The following CDH13 variants were observed in gnomAD, a reference collection of about 807,000 sequenced individuals.
CDH13 encodes the protein cadherin-13.
Under a neutral mutation model 63.8 loss-of-function variants are expected in CDH13, and 24 were observed. The observed-to-expected ratio is 0.38, with a 90% CI of 0.27 to 0.53. The LOEUF is 0.53. CDH13 is among the 20% of genes least tolerant of loss of function. The pLI is 0.85. For synonymous variants in CDH13, 503 were observed against 355.3 expected (o/e 1.42, Z -4.67); for missense variants, 1,049 against 903.1 (o/e 1.16, Z -2.07).
At chr16:82,920,533 T>C (rs1488845323) in intron 2 of CDH13, among the ~76,000 whole-genome samples, 1 of 152,142 alleles carries the variant, frequency 6.6e-6, no homozygotes, top group Non-Finnish European at 1.5e-5. Context: ...AGTCACCCCA[T>C]CTGTAAACAG....
intron 1 of CDH13, among the ~76,000 whole-genome samples, chr16:82,842,072 G>C (rs973434056): frequency 1.5e-5 from 2 of 133,672 alleles, no homozygotes; most frequent in African/African-American, 5.7e-5. Context: ...CTTGAAATCT[G>C]AGCCAGTCTT....
At chr16:83,241,400 C>T (rs368707298) in intron 5 of CDH13, among the ~76,000 whole-genome samples, 1 of 152,140 alleles carries the variant, frequency 6.6e-6, no homozygotes, top group Non-Finnish European at 1.5e-5. Context: ...TTTTGAGAAA[C>T]CTCCATGTTG....
At chr16:83,451,141 T>C (rs1330896810) in intron 6 of CDH13, among the ~76,000 whole-genome samples, 4 of 152,190 alleles carry the variant, frequency 2.6e-5, no homozygotes, top group African/African-American at 9.7e-5. Flanking sequence ...ATCATTTGTC[T>C]TTGTATTACT....
At chr16:83,387,759 T>C (rs1597895042) in intron 6 of CDH13, among the ~76,000 whole-genome samples, 1 of 152,346 alleles carries the variant, frequency 6.6e-6, no homozygotes, top group African/African-American at 2.4e-5. Flanking sequence ...GCTCTTAATA[T>C]GTGACCATCT....
chr16:83,551,094 A>ATCTATCTATCTATCTG (rs1227835134), intron 7 of CDH13, among the ~76,000 whole-genome samples: 1 of 150,634 alleles, frequency 6.6e-6, no homozygotes, highest in African/African-American at 2.4e-5. Context: ...CTATCTATCT[A>ATCTATCTATCTATCTG]TCTTTGAGAC....
chr16:82,718,190 A>C lies in CDH13; in HGVS notation c.45+91053A>C, dbSNP rs539858790. Among the ~76,000 whole-genome samples the C allele has an allele frequency of 3.3e-5, 5 of 152,324 alleles. No homozygotes were observed. The East Asian group carries it at 9.6e-4, about 29-fold the overall frequency. On this transcript the variant is annotated intron_variant, in intron 1 of 13. Transcript: ENST00000567109. ...TTATGGGCAGCTGGAGCTGAATCCC[A>C]CTGGGGACTCTGGGAGACAATGAAA...
At chr16:82,632,146 A>C (rs1289160170) in intron 1 of CDH13, among the ~76,000 whole-genome samples, 1 of 152,186 alleles carries the variant, frequency 6.6e-6, no homozygotes, top group East Asian at 1.9e-4. Context: ...CTCTTTAGGC[A>C]GGACGTGCCT....
chr16:82,901,324 C>CTGTGTGTG (rs61370328), intron 2 of CDH13, among the ~76,000 whole-genome samples: 1,612 of 130,434 alleles, frequency 0.012, 30 homozygotes, highest in African/African-American at 0.026. Context: ...TAGTATTCTC[C>CTGTGTGTG]TGTGTGTGTG....
intron 2 of CDH13, among the ~76,000 whole-genome samples, chr16:82,905,403 A>C (rs1296104586): frequency 6.6e-6 from 1 of 151,876 alleles, no homozygotes. Context: ...AAAGAAAAAC[A>C]GGACTTGGGT....
At chr16:83,216,427 T>TAAATATATATATATATAA in intron 4 of CDH13, among the ~76,000 whole-genome samples, 1 of 45,070 alleles carries the variant, frequency 2.2e-5, no homozygotes, top group South Asian at 1.1e-3. Flanking sequence ...TATATATATA[T>TAAATATATATATATATAA]ATATATATAT....
chr16:83,158,069 A>G (rs562333867), intron 4 of CDH13, among the ~76,000 whole-genome samples: 1 of 152,168 alleles, frequency 6.6e-6, no homozygotes, highest in South Asian at 2.1e-4. Flanking sequence ...CCTTGGGTCA[A>G]ACCTTTAGAA....
At chr16:83,076,548 A>G (rs2032853122) in intron 3 of CDH13, among the ~76,000 whole-genome samples, 1 of 152,168 alleles carries the variant, frequency 6.6e-6, no homozygotes. Context: ...AGAATTTTAC[A>G]CTAAACCACC....
chr16:83,707,593 C>T (rs535213703), intron 10 of CDH13, among the ~76,000 whole-genome samples: 2 of 152,080 alleles, frequency 1.3e-5, no homozygotes, highest in South Asian at 2.1e-4. Flanking sequence ...AATTGCTGAT[C>T]CCCTGTTCTA....
chr16:82,746,735 C>T (rs7202684), intron 1 of CDH13, among the ~76,000 whole-genome samples: 39,628 of 151,722 alleles, frequency 0.26, 5,787 homozygotes, highest in South Asian at 0.38. Flanking sequence ...AAACTGATTT[C>T]TTAAAATTTT....
rs144525432 is a variant in CDH13 at position 83,347,288 on chromosome 16, C to G, written c.781+2282C>G. ...TCCATTATGCTCTGCTCATCTGTGG[C>G]TCATAGGATCCCATGTGTTGTAGAA... On this transcript the variant is annotated intron_variant, in intron 6 of 13. Transcript: ENST00000567109. Among the ~76,000 whole-genome samples the G allele has an allele frequency of 3.6e-3, 519 of 145,458 alleles. 2 individuals carry two copies. The highest frequency in any genetic ancestry group is 0.012 in the African/African-American group (487 of 39,224).
At chr16:83,237,759 G>C (rs996412818) in intron 5 of CDH13, among the ~76,000 whole-genome samples, 2 of 152,174 alleles carry the variant, frequency 1.3e-5, no homozygotes, top group African/African-American at 4.8e-5. Flanking sequence ...TAGAAAGGTA[G>C]AAATGAGAGA....
At chr16:83,643,550 C>G (rs1347227280) in intron 8 of CDH13, among the ~76,000 whole-genome samples, 1 of 152,100 alleles carries the variant, frequency 6.6e-6, no homozygotes, top group Non-Finnish European at 1.5e-5. Context: ...TTTAACCCAG[C>G]ACCTGCTACA....
chr16:82,814,407 A>G (rs2037600215), intron 1 of CDH13, among the ~76,000 whole-genome samples: 1 of 152,118 alleles, frequency 6.6e-6, no homozygotes, highest in African/African-American at 2.4e-5. Flanking sequence ...CCCCACCTCC[A>G]GGGAGGAAAG....
intron 10 of CDH13, among the ~76,000 whole-genome samples, chr16:83,698,323 T>C (rs951087134): frequency 6.6e-6 from 1 of 152,212 alleles, no homozygotes. Context: ...TAATTATTAT[T>C]TGATGCACTT....
Sources: gnomAD v4.1 joint callset for allele counts (sites outside exome capture counted in the v4.1 genomes callset) on GRCh38, gnomAD v4.1.1 for gene constraint, MANE v1.5 for transcripts, NCBI Gene and HGNC (gene_info 2026-07-23, HGNC 2026-07-21) for gene names.